Variants in MARCHF1 observed in about 807,000 individuals in gnomAD.
MARCHF1 encodes the protein membrane associated ring-CH-type finger 1, also known as E3 ubiquitin-protein ligase MARCHF1.
Under a neutral mutation model 54.2 loss-of-function variants are expected in MARCHF1, and 40 were observed. That is an observed-to-expected ratio of 0.74 (90% CI 0.57 to 0.96). The LOEUF (loss-of-function observed/expected upper bound fraction) is 0.96, where lower values mean the gene tolerates loss of function less well. MARCHF1 is among the 40% of genes least tolerant of loss of function. The probability of loss-of-function intolerance (pLI) is 0.00; values close to 1 mark genes in which losing one functional copy is unlikely to be tolerated. For synonymous variants in MARCHF1, 236 were observed against 236.3 expected, an observed-to-expected ratio of 1.00 and a Z score of 0.01; for missense variants, 586 against 656.5, an observed-to-expected ratio of 0.89 and a Z score of 1.17.
At chr4:163,545,457 G>T in intron 9 of MARCHF1, 139 bp downstream of exon 9, 1 of 706,594 alleles carries the variant, frequency 1.4e-6, no homozygotes, top group African/African-American at 1.8e-5. Flanking sequence ...AACATGATTA[G>T]GGAAGAATCA....
At chr4:163,705,784 A>C (rs1448955722) in intron 4 of MARCHF1, among the ~76,000 whole-genome samples, 1 of 152,038 alleles carries the variant, frequency 6.6e-6, no homozygotes, top group East Asian at 1.9e-4. Flanking sequence ...GGTGCTTGCT[A>C]TAATTATTCA....
chr4:163,728,994 G>T (rs1199015420), intron 4 of MARCHF1, among the ~76,000 whole-genome samples: 1 of 152,090 alleles, frequency 6.6e-6, no homozygotes, highest in East Asian at 1.9e-4. Context: ...ATGGCTATTA[G>T]ATTTTGTCAG....
intron 8 of MARCHF1, among the ~76,000 whole-genome samples, chr4:163,566,782 A>G (rs1344966143): frequency 1.3e-5 from 2 of 152,220 alleles, no homozygotes; most frequent in African/African-American, 4.8e-5. Context: ...TTCACTGACT[A>G]TATACCAGGG....
At chr4:163,643,600 G>A (rs1447830779) in intron 5 of MARCHF1, among the ~76,000 whole-genome samples, 1 of 152,024 alleles carries the variant, frequency 6.6e-6, no homozygotes, top group Non-Finnish European at 1.5e-5. Flanking sequence ...GGATGTCAGG[G>A]TACAAGAAAG....
At chr4:163,987,374 T>C (rs1752888953) in intron 3 of MARCHF1, among the ~76,000 whole-genome samples, 1 of 152,200 alleles carries the variant, frequency 6.6e-6, no homozygotes, top group South Asian at 2.1e-4. Context: ...CTCATTGCCA[T>C]TCAATGACAT....
intron 1 of MARCHF1, among the ~76,000 whole-genome samples, chr4:164,368,816 T>C (rs1490649024): frequency 6.6e-6 from 1 of 152,186 alleles, no homozygotes; most frequent in East Asian, 1.9e-4. Flanking sequence ...AATTGTGAAA[T>C]ATTAGAAGTT....
chr4:163,753,155 C>G (rs1746573284), intron 4 of MARCHF1, among the ~76,000 whole-genome samples: 1 of 152,004 alleles, frequency 6.6e-6, no homozygotes, highest in Admixed American at 6.6e-5. Context: ...CCTTAGGTTT[C>G]TTTCTGGATT....
At chr4:164,100,015 T>C (rs1260617125) in intron 2 of MARCHF1, among the ~76,000 whole-genome samples, 2 of 152,210 alleles carry the variant, frequency 1.3e-5, no homozygotes, top group African/African-American at 4.8e-5. Context: ...AGTCTCTGTA[T>C]TGATCTGTAT....
At chr4:164,035,271 C>G (rs997056473) in intron 2 of MARCHF1, among the ~76,000 whole-genome samples, 2 of 151,972 alleles carry the variant, frequency 1.3e-5, no homozygotes, top group Non-Finnish European at 2.9e-5. Context: ...TAAGTCATTA[C>G]TCTATACCCA....
At chr4:164,297,372 T>C (rs2111384142) in intron 1 of MARCHF1, among the ~76,000 whole-genome samples, 1 of 152,216 alleles carries the variant, frequency 6.6e-6, no homozygotes, top group East Asian at 1.9e-4. Context: ...CAATAAGTCA[T>C]GTTGAGAGCA....
chr4:163,685,656 G>GC (rs1405005148), intron 5 of MARCHF1, among the ~76,000 whole-genome samples: 1 of 152,020 alleles, frequency 6.6e-6, no homozygotes, highest in Admixed American at 6.6e-5. Context: ...GCTTTACCAT[G>GC]TTGGCCAGGC....
At chr4:164,372,070 T>C (rs748928011) in intron 1 of MARCHF1, among the ~76,000 whole-genome samples, 18 of 152,188 alleles carry the variant, frequency 1.2e-4, no homozygotes, top group African/African-American at 3.6e-4. Context: ...GGGAGGCCCT[T>C]TCTCAAGAAA....
chr4:163,555,603 A>G (rs916847055), intron 8 of MARCHF1, among the ~76,000 whole-genome samples: 1 of 152,236 alleles, frequency 6.6e-6, no homozygotes, highest in African/African-American at 2.4e-5. Context: ...AAGAGAAGTC[A>G]GTATATTACT....
intron 4 of MARCHF1, among the ~76,000 whole-genome samples, chr4:163,733,875 A>G (rs1260755135): frequency 6.6e-6 from 1 of 152,218 alleles, no homozygotes; most frequent in Non-Finnish European, 1.5e-5. Flanking sequence ...AAGTACTAAA[A>G]CACTGAGCAA....
At chr4:163,760,444 C>T (rs995349657) in intron 4 of MARCHF1, among the ~76,000 whole-genome samples, 1 of 152,286 alleles carries the variant, frequency 6.6e-6, no homozygotes, top group African/African-American at 2.4e-5. Context: ...ATTCTGTCTT[C>T]CATACATAAC....
chr4:163,707,578 AG>A (rs1744985152), intron 4 of MARCHF1, among the ~76,000 whole-genome samples: 1 of 152,050 alleles, frequency 6.6e-6, no homozygotes, highest in Non-Finnish European at 1.5e-5. Context: ...TGATGGCAAT[AG>A]GAAGAATGAA....
At chr4:163,752,336 G>A (rs1006006053) in intron 4 of MARCHF1, among the ~76,000 whole-genome samples, 1 of 152,102 alleles carries the variant, frequency 6.6e-6, no homozygotes, top group African/African-American at 2.4e-5. Flanking sequence ...GTTCAACTTG[G>A]ATGACATTAT....
At chr4:163,805,405 C>T (rs116116415) in intron 4 of MARCHF1, among the ~76,000 whole-genome samples, 389 of 150,684 alleles carry the variant, frequency 2.6e-3, no homozygotes, top group Admixed American at 3.6e-3. Context: ...ATAGTTGATA[C>T]AAGATTAAAA....
chr4:163,607,459 G>C (rs1051691936), intron 7 of MARCHF1, among the ~76,000 whole-genome samples: 1 of 152,078 alleles, frequency 6.6e-6, no homozygotes, highest in Admixed American at 6.6e-5. Flanking sequence ...TGATAGAAAT[G>C]GAAGTAGTTG....
Sources: gnomAD v4.1 joint callset for allele counts (sites outside exome capture counted in the v4.1 genomes callset) on GRCh38, gnomAD v4.1.1 for gene constraint, MANE v1.5 for transcripts, NCBI Gene and HGNC (gene_info 2026-07-23, HGNC 2026-07-21) for gene names.